The following SRBD1 variants were observed in gnomAD, a reference collection of about 807,000 sequenced individuals.
SRBD1 encodes the protein S1 RNA-binding domain-containing protein 1.
A neutral mutation model predicts 115.3 loss-of-function variants in SRBD1; 88 were observed. The ratio of observed to expected loss-of-function variants is 0.76; its 90% CI spans 0.64 to 0.91. The LOEUF is 0.91. SRBD1 is among the 40% of genes least tolerant of loss of function. The pLI is 0.00. For missense variants in SRBD1, 1,385 were observed against 1,177.4 expected (o/e 1.18, Z -2.58); for synonymous variants, 509 against 407.7 (o/e 1.25, Z -2.99).
At chr2:45,508,201 G>A (rs570109263) in intron 14 of SRBD1, among the ~76,000 whole-genome samples, 4 of 152,068 alleles carry the variant, frequency 2.6e-5, no homozygotes, top group African/African-American at 9.6e-5. Context: ...CTAAAGCTGT[G>A]TTCTTGAAAT....
chr2:45,540,766 T>C (rs114640480), intron 14 of SRBD1, among the ~76,000 whole-genome samples: 2 of 152,188 alleles, frequency 1.3e-5, no homozygotes, highest in African/African-American at 4.8e-5. Context: ...CAAATGAAGA[T>C]GCTCATGATC....
intron 16 of SRBD1, among the ~76,000 whole-genome samples, chr2:45,452,967 G>A (rs996925154): frequency 2.6e-5 from 4 of 151,966 alleles, no homozygotes; most frequent in African/African-American, 4.8e-5. Context: ...GATGAAATAC[G>A]TAGTCATTTG....
At chr2:45,474,010 T>C (rs1009278126) in intron 16 of SRBD1, among the ~76,000 whole-genome samples, 2 of 152,232 alleles carry the variant, frequency 1.3e-5, no homozygotes, top group Middle Eastern at 3.2e-3. Flanking sequence ...GAATTCAACC[T>C]TCCAATTCAT....
chr2:45,514,160 A>T lies in SRBD1; in HGVS notation c.1875-25829T>A, dbSNP rs180671287. ...GATATGATTACGAAAAGTCTGAATT[A>T]AAGAATTTACTAAAATCTACTTTTA... On this transcript the variant is annotated intron_variant, in intron 14 of 20. Coordinates refer to ENST00000263736, the MANE Select transcript of SRBD1 (RefSeq NM_018079.5). Among the ~76,000 whole-genome samples, 8 of 152,308 alleles carry T rather than the reference A, an allele frequency of 5.3e-5. No homozygotes were observed. The East Asian group carries it at 1.5e-3, about 29-fold the overall frequency.
intron 16 of SRBD1, among the ~76,000 whole-genome samples, chr2:45,426,089 AG>A (rs1430535953): frequency 6.6e-6 from 1 of 152,208 alleles, no homozygotes; most frequent in African/African-American, 2.4e-5. Context: ...CAGCAAGCTA[AG>A]ATCCACTGGA....
At chr2:45,430,590 T>C (rs887844307) in intron 16 of SRBD1, among the ~76,000 whole-genome samples, 4 of 152,168 alleles carry the variant, frequency 2.6e-5, no homozygotes, top group African/African-American at 9.7e-5. Context: ...TGGCTAGCCA[T>C]ATGCAGAAAA....
chr2:45,518,592 C>A (rs4140775), intron 14 of SRBD1, among the ~76,000 whole-genome samples: 25,421 of 152,054 alleles, frequency 0.17, 2,882 homozygotes, highest in African/African-American at 0.32. Flanking sequence ...AAGGACAAGT[C>A]GGTAATAATC....
At chr2:45,528,060 T>C (rs1013999055) in intron 14 of SRBD1, among the ~76,000 whole-genome samples, 9 of 151,920 alleles carry the variant, frequency 5.9e-5, no homozygotes, top group Non-Finnish European at 1.2e-4. Context: ...TTAGCTTATA[T>C]ATTTAATAAA....
intron 14 of SRBD1, among the ~76,000 whole-genome samples, chr2:45,491,824 ATTAAT>A (rs1462297980): frequency 6.6e-6 from 1 of 152,118 alleles, no homozygotes; most frequent in African/African-American, 2.4e-5. Context: ...GCTTTATTTA[ATTAAT>A]TTATTTTTTT....
chr2:45,601,557 T>A (rs1030805983), intron 3 of SRBD1, among the ~76,000 whole-genome samples: 2 of 152,210 alleles, frequency 1.3e-5, no homozygotes, highest in Admixed American at 6.5e-5. Context: ...AGCTTTCTCA[T>A]CTATAAAATC....
At chr2:45,594,291 C>G (rs1271941226) in intron 4 of SRBD1, among the ~76,000 whole-genome samples, 2 of 152,102 alleles carry the variant, frequency 1.3e-5, no homozygotes, top group African/African-American at 4.8e-5. Context: ...AAAGGGAAAA[C>G]AGCTAATAAA....
chr2:45,395,364 A>C (rs1254184363), intron 19 of SRBD1, among the ~76,000 whole-genome samples: 1 of 152,056 alleles, frequency 6.6e-6, no homozygotes, highest in African/African-American at 2.4e-5. Flanking sequence ...GCACATGTGT[A>C]TGTGTGTGTG....
intron 14 of SRBD1, among the ~76,000 whole-genome samples, chr2:45,542,211 C>G (rs937771951): frequency 1.3e-5 from 2 of 152,238 alleles, no homozygotes; most frequent in Admixed American, 1.3e-4. Flanking sequence ...CTGGTGTCAG[C>G]ACTGCCTCGA....
intron 16 of SRBD1, among the ~76,000 whole-genome samples, chr2:45,456,256 T>C (rs1669149549): frequency 6.6e-6 from 1 of 151,880 alleles, no homozygotes. Flanking sequence ...CGGCAATCAA[T>C]ATATTCTATG....
rs570109263 is a variant in SRBD1 at position 45,508,201 on chromosome 2, G to C, written c.1875-19870C>G. Among the ~76,000 whole-genome samples, 18 of 152,068 alleles carry C rather than the reference G, an allele frequency of 1.2e-4. No individual in the cohort carries two copies. In the South Asian group the frequency reaches 3.5e-3, roughly 30 times the overall value. On this transcript the variant is annotated intron_variant, in intron 14 of 20. Transcript: ENST00000263736. ...CAAATTAGAAGAAAGCTAAAGCTGTGTTCTTGAAATTCCCAAAGGTAAAAG... is the reference window on the plus strand; with the variant it reads ...CAAATTAGAAGAAAGCTAAAGCTGTCTTCTTGAAATTCCCAAAGGTAAAAG...
intron 10 of SRBD1, 49 bp downstream of exon 10, chr2:45,562,604 T>C (rs1450173664): frequency 2.2e-6 from 3 of 1,388,114 alleles, no homozygotes; most frequent in East Asian, 2.3e-5. Context: ...ATCGGTATCA[T>C]ATTTTAGAAA....
At chr2:45,525,202 T>C (rs1034738634) in intron 14 of SRBD1, among the ~76,000 whole-genome samples, 1 of 151,972 alleles carries the variant, frequency 6.6e-6, no homozygotes, top group Admixed American at 6.6e-5. Flanking sequence ...GAAGAAAACA[T>C]AGGAGCTCAT....
intron 19 of SRBD1, among the ~76,000 whole-genome samples, chr2:45,405,574 C>G (rs1377816365): frequency 6.6e-6 from 1 of 152,026 alleles, no homozygotes; most frequent in East Asian, 1.9e-4. Flanking sequence ...TACAGATGGT[C>G]ATGTGTATGG....
chr2:45,397,451 T>G (rs1182767514), intron 19 of SRBD1, among the ~76,000 whole-genome samples: 3 of 152,214 alleles, frequency 2.0e-5, no homozygotes, highest in Non-Finnish European at 4.4e-5. Context: ...CTTTATGCTA[T>G]CTACAGAGGA....
Sources: gnomAD v4.1 joint callset for allele counts (sites outside exome capture counted in the v4.1 genomes callset) on GRCh38, gnomAD v4.1.1 for gene constraint, MANE v1.5 for transcripts, NCBI Gene and HGNC (gene_info 2026-07-23, HGNC 2026-07-21) for gene names.